The following SAMD5 variants were observed in gnomAD, a reference collection of about 807,000 sequenced individuals.
SAMD5 encodes the protein sterile alpha motif domain-containing protein 5.
Under a neutral mutation model 11.3 loss-of-function variants are expected in SAMD5, and 13 were observed. That is an observed-to-expected ratio of 1.15 (90% CI 0.75 to 1.83). The LOEUF (loss-of-function observed/expected upper bound fraction) is 1.83. SAMD5 is among the 40% of genes most tolerant of loss of function. The pLI, the probability that SAMD5 is intolerant of heterozygous loss-of-function variation, is 0.00. For missense variants in SAMD5, 255 were observed against 239.1 expected (o/e 1.07, Z -0.44); for synonymous variants, 129 against 111.3 (o/e 1.16, Z -1.00).
the SAMD5 span, among the ~76,000 whole-genome samples, chr6:147,795,687 G>A: frequency 6.7e-6 from 1 of 150,078 alleles, no homozygotes; most frequent in Non-Finnish European, 1.5e-5. Context: ...CACCAACAGT[G>A]TAAAAGTGTT....
At chr6:147,885,319 T>G in the SAMD5 span, among the ~76,000 whole-genome samples, 1 of 152,236 alleles carries the variant, frequency 6.6e-6, no homozygotes. Context: ...TTTTTTAAGT[T>G]TATAGTATTG....
downstream of SAMD5, chr6:147,741,664 G>A (rs1791881223): frequency 6.6e-6 from 1 of 152,144 alleles, no homozygotes; most frequent in South Asian, 2.1e-4. Context: ...AACAGTACGA[G>A]GCTTCTGATC....
chr6:147,909,568 CTTT>C, the SAMD5 span, among the ~76,000 whole-genome samples: 22 of 43,064 alleles, frequency 5.1e-4, no homozygotes, highest in South Asian at 2.6e-3. Flanking sequence ...TTTTTTCTTT[CTTT>C]CTTTCTTTCT....
intron 1 of SAMD5, among the ~76,000 whole-genome samples, chr6:147,621,954 A>C (rs184124273): frequency 2.0e-4 from 31 of 152,330 alleles, no homozygotes; most frequent in Admixed American, 9.2e-4. Flanking sequence ...TGAACGGATA[A>C]AATGATTCTC....
chr6:147,654,943 T>C (rs1484551278), intron 1 of SAMD5, among the ~76,000 whole-genome samples: 3 of 152,162 alleles, frequency 2.0e-5, no homozygotes, highest in Middle Eastern at 3.2e-3. Context: ...GTCCTTTTGA[T>C]TGACAAGCAC....
At chr6:147,686,919 C>T (rs1262198782) in intron 1 of SAMD5, among the ~76,000 whole-genome samples, 1 of 152,076 alleles carries the variant, frequency 6.6e-6, no homozygotes, top group African/African-American at 2.4e-5. Context: ...TTCTGGGATA[C>T]ATGTGCCGAA....
At chr6:147,598,843 A>G (rs756756928) in intron 1 of SAMD5, among the ~76,000 whole-genome samples, 1 of 152,194 alleles carries the variant, frequency 6.6e-6, no homozygotes, top group Non-Finnish European at 1.5e-5. Flanking sequence ...GGGGAAGAGG[A>G]CAGGAGAGAA....
intron 1 of SAMD5, among the ~76,000 whole-genome samples, chr6:147,542,163 A>T (rs1339444068): frequency 1.3e-5 from 2 of 152,140 alleles, no homozygotes; most frequent in African/African-American, 4.8e-5. Flanking sequence ...AATTAAATCC[A>T]TGCATATTGG....
the SAMD5 span, among the ~76,000 whole-genome samples, chr6:147,857,874 C>T: frequency 6.6e-6 from 1 of 152,316 alleles, no homozygotes; most frequent in Middle Eastern, 3.4e-3. Flanking sequence ...TACAGGCAAG[C>T]CCCAAAGCCA....
At chr6:147,725,116 A>G (rs928795054) in intron 1 of SAMD5, among the ~76,000 whole-genome samples, 3 of 152,224 alleles carry the variant, frequency 2.0e-5, no homozygotes, top group African/African-American at 7.2e-5. Context: ...CAAATTTCAT[A>G]TAACTAGGTT....
intron 1 of SAMD5, among the ~76,000 whole-genome samples, chr6:147,669,110 C>T (rs1327513612): frequency 3.3e-5 from 5 of 152,070 alleles, no homozygotes; most frequent in African/African-American, 9.7e-5. Flanking sequence ...TTTGCCACAT[C>T]AATGGACTCT....
the SAMD5 span, among the ~76,000 whole-genome samples, chr6:147,942,478 C>G: frequency 6.6e-6 from 1 of 152,230 alleles, no homozygotes; most frequent in Non-Finnish European, 1.5e-5. Context: ...TGCTTAACTT[C>G]TCAGTAACCT....
the SAMD5 span, among the ~76,000 whole-genome samples, chr6:147,760,224 A>C: frequency 6.6e-6 from 1 of 152,204 alleles, no homozygotes; most frequent in African/African-American, 2.4e-5. Flanking sequence ...TGCCTCATTT[A>C]AATGACAGGT....
chr6:147,549,041 G>T (rs1206071491), intron 1 of SAMD5, among the ~76,000 whole-genome samples: 1 of 152,136 alleles, frequency 6.6e-6, no homozygotes, highest in East Asian at 1.9e-4. Flanking sequence ...GACTGGCAGT[G>T]ATCCTGGAGT....
At chr6:147,779,660 T>C in the SAMD5 span, among the ~76,000 whole-genome samples, 1 of 152,184 alleles carries the variant, frequency 6.6e-6, no homozygotes, top group African/African-American at 2.4e-5. Context: ...CACTAAATAA[T>C]TGCTGAAGGT....
intron 1 of SAMD5, among the ~76,000 whole-genome samples, chr6:147,719,073 A>G (rs1791507962): frequency 6.6e-6 from 1 of 152,212 alleles, no homozygotes; most frequent in Non-Finnish European, 1.5e-5. Flanking sequence ...AGCAGATGCT[A>G]TGGTGGATCC....
chr6:147,559,745 G>A (rs1477111777), intron 1 of SAMD5, among the ~76,000 whole-genome samples: 1 of 152,036 alleles, frequency 6.6e-6, no homozygotes, highest in African/African-American at 2.4e-5. Flanking sequence ...TTCTAGAGTA[G>A]GCCAAACATT....
chr6:147,768,537 AAAAC>A, the SAMD5 span, among the ~76,000 whole-genome samples: 1 of 152,142 alleles, frequency 6.6e-6, no homozygotes, highest in African/African-American at 2.4e-5. Flanking sequence ...AAAACAGAAA[AAAAC>A]AAAACAAAGA....
At chr6:147,603,804 C>G (rs1789658662) in intron 1 of SAMD5, among the ~76,000 whole-genome samples, 2 of 152,084 alleles carry the variant, frequency 1.3e-5, no homozygotes, top group Admixed American at 1.3e-4. Flanking sequence ...AAAACAACAA[C>G]AACAACAAAA....
Sources: allele counts gnomAD v4.1 joint callset (sites outside exome capture counted in the v4.1 genomes callset), GRCh38; gene constraint gnomAD v4.1.1; transcripts MANE v1.5; gene names NCBI Gene and HGNC (gene_info 2026-07-23, HGNC 2026-07-21).